Variants in CCDC171 observed in about 807,000 individuals in gnomAD.
The protein encoded by CCDC171 is coiled-coil domain-containing protein 171.
In CCDC171, 177 loss-of-function variants were observed where a neutral mutation model predicts 168.2. That is an observed-to-expected ratio of 1.05 (90% CI 0.93 to 1.19). CCDC171 has a LOEUF of 1.19. Among genes scored for constraint, CCDC171 ranks in the 50% most tolerant of loss-of-function variants. The pLI is 0.00. For synonymous variants in CCDC171, 687 were observed against 540.8 expected (o/e 1.27, Z -3.75); for missense variants, 1,991 against 1,539.0 (o/e 1.29, Z -4.91).
chr9:15,720,133 A>AAATT (rs60331676), intron 11 of CCDC171, among the ~76,000 whole-genome samples: 56,598 of 151,588 alleles, frequency 0.37, 12,480 homozygotes, highest in East Asian at 0.64. Context: ...GTTGGTGCTT[A>AAATT]AATTATACCT....
intron 3 of CCDC171, among the ~76,000 whole-genome samples, chr9:15,994,160 G>T (rs1295951042): frequency 6.6e-6 from 1 of 151,026 alleles, no homozygotes; most frequent in African/African-American, 2.5e-5. Context: ...CAGTATAATC[G>T]CAATAGCAAA....
intron 2 of CCDC171, among the ~76,000 whole-genome samples, chr9:15,566,573 C>A (rs1032573180): frequency 1.3e-5 from 2 of 152,054 alleles, no homozygotes; most frequent in African/African-American, 2.4e-5. Context: ...ACAACAACAA[C>A]AAAAAATAAG....
At chr9:15,785,508 C>T (rs1020823034) in intron 21 of CCDC171, among the ~76,000 whole-genome samples, 1 of 152,024 alleles carries the variant, frequency 6.6e-6, no homozygotes, top group African/African-American at 2.4e-5. Context: ...TTGTTAACTT[C>T]CTGTTTACCA....
chr9:15,850,246 G>T (rs2061070388), intron 23 of CCDC171: 1 of 151,960 alleles, frequency 6.6e-6, no homozygotes, highest in South Asian at 2.1e-4. Flanking sequence ...GAAAAAAAGA[G>T]TTAGATAGCA....
intron 3 of CCDC171, among the ~76,000 whole-genome samples, chr9:15,998,067 C>T (rs189931376): frequency 6.6e-5 from 10 of 152,094 alleles, no homozygotes; most frequent in Admixed American, 6.5e-4. Flanking sequence ...CCTTTGAAGA[C>T]CAATACCTCC....
chr9:15,947,866 G>A (rs1388926158), intron 25 of CCDC171, among the ~76,000 whole-genome samples: 2 of 150,672 alleles, frequency 1.3e-5, no homozygotes, highest in African/African-American at 4.9e-5. Flanking sequence ...GAGTACATGT[G>A]CACAATGTGC....
intron 23 of CCDC171, among the ~76,000 whole-genome samples, chr9:15,851,157 T>G (rs1588846959): frequency 6.6e-6 from 1 of 152,086 alleles, no homozygotes; most frequent in East Asian, 1.9e-4. Context: ...CAATTACATT[T>G]TATTTATACT....
At chr9:15,749,722 A>G (rs1006423431) in intron 18 of CCDC171, among the ~76,000 whole-genome samples, 5 of 152,208 alleles carry the variant, frequency 3.3e-5, no homozygotes, top group Non-Finnish European at 5.9e-5. Flanking sequence ...CTGAATGACT[A>G]CTGGGTAAAT....
chr9:15,975,725 G>A (rs1050858128), downstream of CCDC171, among the ~76,000 whole-genome samples: 2 of 152,148 alleles, frequency 1.3e-5, no homozygotes, highest in Non-Finnish European at 2.9e-5. Flanking sequence ...ATTCACTTGT[G>A]TAACTCCTAG....
chr9:15,847,671 G>T (rs1413050485), intron 22 of CCDC171, among the ~76,000 whole-genome samples: 2 of 151,950 alleles, frequency 1.3e-5, no homozygotes, highest in Admixed American at 1.3e-4. Context: ...TTCTTTACTT[G>T]CAAAAATATA....
intron 6 of CCDC171, among the ~76,000 whole-genome samples, chr9:15,613,069 A>G (rs1057145764): frequency 2.0e-5 from 3 of 152,192 alleles, no homozygotes; most frequent in African/African-American, 7.2e-5. Context: ...TCTTGGGTAT[A>G]TACTCAGTAT....
intron 18 of CCDC171, among the ~76,000 whole-genome samples, chr9:15,770,804 C>G (rs2056972173): frequency 6.6e-6 from 1 of 152,074 alleles, no homozygotes; most frequent in Non-Finnish European, 1.5e-5. Flanking sequence ...AGCGTAAAAC[C>G]TTCACACAAT....
intron 9 of CCDC171, among the ~76,000 whole-genome samples, chr9:15,674,571 A>G (rs913630794): frequency 6.6e-6 from 1 of 152,076 alleles, no homozygotes; most frequent in Non-Finnish European, 1.5e-5. Context: ...CTTTGTTCTC[A>G]TTGGTCTCAA....
chr9:15,927,322 C>G (rs181335971), intron 25 of CCDC171, among the ~76,000 whole-genome samples: 53 of 151,694 alleles, frequency 3.5e-4, no homozygotes, highest in African/African-American at 8.7e-4. Flanking sequence ...GAGTAAAGAG[C>G]TTTTGAGTCC....
chr9:16,103,567 T>C, the CCDC171 span, among the ~76,000 whole-genome samples: 5 of 152,128 alleles, frequency 3.3e-5, no homozygotes, highest in African/African-American at 4.8e-5. Flanking sequence ...AGAAGAAAAA[T>C]TGAGAAATGT....
chr9:15,784,618 A>G lies in CCDC171; in HGVS notation c.3191A>G (p.Gln1064Arg). 6.2e-7 allele frequency: 1 copy of G among 1,613,454 alleles called. No individual in the cohort carries two copies. The highest frequency in any genetic ancestry group is 8.5e-7 in the Non-Finnish European group (1 of 1,179,542). Residue 1064 changes from glutamine to arginine, a missense_variant, in exon 21 of 26, where the codon CAG becomes CGG. By Grantham distance (43) the Gln-to-Arg change is conservative (BLOSUM62 1). Transcript: ENST00000380701. ...TTGAATGAACAGGCACAACAACTAC[A>G]GGAATTGAATTATAAACTTGAATTG... ...MLLNEQAQQL[Q>R]ELNYKLELHS...
At chr9:15,951,757 A>ATATAAATC (rs1415103032) in intron 25 of CCDC171, among the ~76,000 whole-genome samples, 1 of 152,104 alleles carries the variant, frequency 6.6e-6, no homozygotes, top group Non-Finnish European at 1.5e-5. Flanking sequence ...TATATTCTGG[A>ATATAAATC]TATAAATCCC....
chr9:15,969,439 C>T (rs992864559), intron 25 of CCDC171, among the ~76,000 whole-genome samples: 7 of 152,088 alleles, frequency 4.6e-5, no homozygotes, highest in East Asian at 1.9e-4. Context: ...TTATGCATAT[C>T]ACTAATATTG....
At chr9:15,827,168 A>C (rs1054938180) in intron 21 of CCDC171, among the ~76,000 whole-genome samples, 4 of 152,006 alleles carry the variant, frequency 2.6e-5, no homozygotes, top group Admixed American at 2.6e-4. Context: ...AGATCTTTCA[A>C]TTTTTATTTG....
Sources: gnomAD v4.1 joint callset for allele counts (sites outside exome capture counted in the v4.1 genomes callset) on GRCh38, gnomAD v4.1.1 for gene constraint, MANE v1.5 for transcripts, NCBI Gene and HGNC (gene_info 2026-07-23, HGNC 2026-07-21) for gene names.